GMDS: variants seen among roughly 807,000 people sequenced by gnomAD.
The protein encoded by GMDS is GDP-mannose 4,6 dehydratase.
Under a neutral mutation model 49.9 loss-of-function variants are expected in GMDS, and 20 were observed. That is an observed-to-expected ratio of 0.40 (90% CI 0.28 to 0.58). The LOEUF is 0.58. Among genes scored for constraint, GMDS ranks in the 20% least tolerant of loss-of-function variants. The probability of loss-of-function intolerance (pLI) is 0.42; values close to 1 mark genes in which losing one functional copy is unlikely to be tolerated. For missense variants in GMDS, 362 were observed against 481.4 expected (o/e 0.75, Z 2.32); for synonymous variants, 177 against 178.6 (o/e 0.99, Z 0.07).
At chr6:1,642,328 G>A (rs62390641) in intron 9 of GMDS, among the ~76,000 whole-genome samples, 15,847 of 151,842 alleles carry the variant, frequency 0.1, 1,068 homozygotes, top group Non-Finnish European at 0.15. Context: ...CACCACGCCC[G>A]GCTAATATTT....
rs187439112 is a variant in GMDS, at chr6:1,767,641, G to A, written c.772-25055C>T. 1.4e-4 allele frequency among the ~76,000 whole-genome samples: 22 copies of A among 152,308 alleles called. No individual in the cohort carries two copies. In the East Asian group the frequency reaches 3.1e-3, roughly 21 times the overall value. ...AAGGTGACTTGAGTCTCTGGCAGCC[G>A]AGTCTGGAGCGAGTTTCTCTGCAAA... On this transcript the variant is annotated intron_variant, in intron 7 of 10. Coordinates refer to ENST00000380815, the MANE Select transcript of GMDS (RefSeq NM_001500.4).
At chr6:1,742,200 G>A (rs1053102761) in intron 8 of GMDS, among the ~76,000 whole-genome samples, 3 of 151,992 alleles carry the variant, frequency 2.0e-5, no homozygotes, top group South Asian at 2.1e-4. Flanking sequence ...GATTACAGGC[G>A]TGAACCACCG....
chr6:1,990,227 C>T (rs761500095), intron 4 of GMDS, among the ~76,000 whole-genome samples: 5 of 152,106 alleles, frequency 3.3e-5, no homozygotes, highest in African/African-American at 9.7e-5. Context: ...ACCCGGGAGG[C>T]GGAGTTTGCA....
chr6:1,728,945 TAA>T (rs1403274959), intron 8 of GMDS, among the ~76,000 whole-genome samples: 1 of 135,740 alleles, frequency 7.4e-6, no homozygotes. Flanking sequence ...TCCAGGACAG[TAA>T]AAAAAAAAAA....
intron 4 of GMDS, among the ~76,000 whole-genome samples, chr6:2,008,348 C>T (rs1767328908): frequency 6.6e-6 from 1 of 152,152 alleles, no homozygotes; most frequent in African/African-American, 2.4e-5. Flanking sequence ...TTGATTTATA[C>T]ATATTTAAAC....
chr6:2,124,317 T>C (rs1385455052), intron 2 of GMDS, among the ~76,000 whole-genome samples: 1 of 152,224 alleles, frequency 6.6e-6, no homozygotes, highest in Admixed American at 6.5e-5. Context: ...TTTATTGTTC[T>C]CTGTAATTTC....
At chr6:2,032,796 A>G (rs183752806) in intron 4 of GMDS, among the ~76,000 whole-genome samples, 353 of 152,304 alleles carry the variant, frequency 2.3e-3, no homozygotes, top group Non-Finnish European at 3.8e-3. Context: ...CGTCTTCCAG[A>G]AAGTCACCAT....
Position 2,191,156 on chromosome 6 carries a change from G to A in GMDS, c.102+54165C>T, listed in dbSNP as rs1276005381. ...GCCCCCAGAGAGGACTCTGCACAGG[G>A]CCACCCACAGCCATGTCCCCAGGGG... On this transcript the variant is annotated intron_variant, in intron 1 of 10. Transcript: ENST00000380815. This position sits in a 1 kb window ranked among gnomAD's most constrained non-coding sequence, Gnocchi z 4.6. Among the ~76,000 whole-genome samples, 1 of 152,114 alleles carries A rather than the reference G, an allele frequency of 6.6e-6. No homozygotes were observed. Among genetic ancestry groups the A allele is most frequent in the East Asian group, 1.9e-4 (1 of 5,180 alleles).
chr6:2,191,419 G>A lies in GMDS; in HGVS notation c.102+53902C>T, dbSNP rs549726493. 5.5e-4 allele frequency among the ~76,000 whole-genome samples: 83 copies of A among 152,254 alleles called. 1 individual carries two copies. Among genetic ancestry groups the A allele is most frequent in the African/African-American group, 1.7e-3 (72 of 41,564 alleles). On this transcript the variant is annotated intron_variant, in intron 1 of 10. Transcript: ENST00000380815. This position sits in a 1 kb window ranked among gnomAD's most constrained non-coding sequence, Gnocchi z 4.6. ...CTGGGACTTCCCGCTTCATGGAACC[G>A]GGAGCCAGGAGCAGGCACCAGCCCT...
chr6:1,624,362 G>C, intron 10 of GMDS, 110 bp downstream of exon 10: 1 of 1,291,960 alleles, frequency 7.7e-7, no homozygotes, highest in African/African-American at 1.5e-5. Context: ...CCCGCACCCC[G>C]CCTTCCGGGC....
chr6:1,821,611 G>GTTTTTTTTTTTTT (rs3039703), intron 7 of GMDS, among the ~76,000 whole-genome samples: 2 of 109,838 alleles, frequency 1.8e-5, no homozygotes, highest in African/African-American at 6.8e-5. Context: ...CAATTTATTT[G>GTTTTTTTTTTTTT]TTTTTTTTTT....
rs1401951133 is a variant in GMDS, at chr6:1,836,089, G to A, written c.772-93503C>T. Among the ~76,000 whole-genome samples the A allele has an allele frequency of 2.0e-5, 3 of 152,050 alleles. No homozygotes were observed. Among genetic ancestry groups the A allele is most frequent in the East Asian group, 1.9e-4 (1 of 5,186 alleles). On this transcript the variant is annotated intron_variant, in intron 7 of 10. Transcript: ENST00000380815. This position sits in a 1 kb window ranked among gnomAD's most constrained non-coding sequence, Gnocchi z 4.2. ...TCACCATGTTAGCCAGGATGGTCTCGATCTCCTGATCTCGTGATCCACCCG... is the reference window on the plus strand; with the variant it reads ...TCACCATGTTAGCCAGGATGGTCTCAATCTCCTGATCTCGTGATCCACCCG...
Position 1,962,586 on chromosome 6 carries a change from T to A in GMDS, c.346-1620A>T, listed in dbSNP as rs954747179. On this transcript the variant is annotated intron_variant, in intron 4 of 10. Transcript: ENST00000380815. Reference sequence around the variant, plus strand: ...GTGGTCTTTTTTGTTATATCCATCCTAGTGGTGTGAAGTGCTATCTTGTTG... The same window carrying A: ...GTGGTCTTTTTTGTTATATCCATCCAAGTGGTGTGAAGTGCTATCTTGTTG... Among the ~76,000 whole-genome samples, 4 of 152,178 alleles carry A rather than the reference T, an allele frequency of 2.6e-5. No individual in the cohort carries two copies. In the South Asian group the frequency reaches 8.3e-4, roughly 31 times the overall value.
intron 4 of GMDS, among the ~76,000 whole-genome samples, chr6:2,070,899 C>T (rs1771951200): frequency 6.6e-6 from 1 of 152,158 alleles, no homozygotes; most frequent in African/African-American, 2.4e-5. Flanking sequence ...TAGTAAATTC[C>T]TGACTGGCTC....
chr6:1,721,625 A>G (rs1224144439), intron 9 of GMDS, among the ~76,000 whole-genome samples: 3 of 152,120 alleles, frequency 2.0e-5, no homozygotes, highest in Non-Finnish European at 4.4e-5. Flanking sequence ...TGTTTGACTG[A>G]AAAAAATCTC....
chr6:2,141,865 GCTCT>G (rs67628075), intron 1 of GMDS, among the ~76,000 whole-genome samples: 31 of 145,644 alleles, frequency 2.1e-4, no homozygotes, highest in Non-Finnish European at 1.8e-4. Flanking sequence ...GGTTGTGCGT[GCTCT>G]CTCTCTCTCT....
At chr6:1,818,367 G>A (rs140323511) in intron 7 of GMDS, among the ~76,000 whole-genome samples, 146 of 152,222 alleles carry the variant, frequency 9.6e-4, no homozygotes, top group African/African-American at 3.3e-3. Flanking sequence ...CAGCACTTTG[G>A]GAGGCCGAGG....
intron 9 of GMDS, among the ~76,000 whole-genome samples, chr6:1,696,223 A>G (rs1138803): frequency 0.54 from 82,131 of 152,052 alleles, 22,720 homozygotes; most frequent in African/African-American, 0.67. Flanking sequence ...GGAAGTGACA[A>G]CTCAGGCTTG....
chr6:1,657,946 A>C (rs1581421243), intron 9 of GMDS, among the ~76,000 whole-genome samples: 1 of 151,492 alleles, frequency 6.6e-6, no homozygotes, highest in East Asian at 1.9e-4. Flanking sequence ...AGCTCTGCGC[A>C]TGGCAGCAAA....
Sources: allele counts gnomAD v4.1 joint callset (sites outside exome capture counted in the v4.1 genomes callset), GRCh38; gene constraint gnomAD v4.1.1; non-coding constraint Gnocchi (gnomAD v3.1); transcripts MANE v1.5; gene names NCBI Gene and HGNC (gene_info 2026-07-23, HGNC 2026-07-21).